The following CORIN variants were observed in gnomAD, a reference collection of about 807,000 sequenced individuals.
CORIN encodes atrial natriuretic peptide-converting enzyme.
In CORIN, 117 loss-of-function variants were observed where a neutral mutation model predicts 125.3. The ratio of observed to expected loss-of-function variants is 0.93; its 90% CI spans 0.80 to 1.09. The LOEUF (loss-of-function observed/expected upper bound fraction) is 1.09. Ranked by LOEUF, CORIN falls within the 50% of genes least tolerant of loss-of-function variation. CORIN has a pLI of 0.00. For missense variants in CORIN, 1,253 were observed against 1,306.7 expected (o/e 0.96, Z 0.63); for synonymous variants, 450 against 466.4 (o/e 0.96, Z 0.45).
Position 47,618,826 on chromosome 4 carries a change from AAAAAAGAAAG to A in CORIN, c.2540+4735_2540+4744del, listed in dbSNP as rs1407603942. 1.2e-3 allele frequency among the ~76,000 whole-genome samples: 181 copies of A among 152,124 alleles called. 1 individual carries two copies. Among genetic ancestry groups the A allele is most frequent in the African/African-American group, 4.1e-3 (172 of 41,496 alleles). On this transcript the variant is annotated intron_variant, in intron 19 of 21. Coordinates refer to ENST00000273857, the MANE Select transcript of CORIN (RefSeq NM_006587.4). ...GAGCGAGACTCTGTCTCACAAAAAAAAAAAAGAAAGAAAAAGAAAGGAGGCAAGAAGGAGA... is the reference window on the plus strand; with the variant it reads ...GAGCGAGACTCTGTCTCACAAAAAAAAAAAAGAAAGGAGGCAAGAAGGAGA...
chr4:47,786,611 A>G, intron 3 of CORIN, 114 bp downstream of exon 3: 2 of 751,626 alleles, frequency 2.7e-6, no homozygotes, highest in Non-Finnish European at 2.2e-6. Context: ...AACTGAGTGG[A>G]GATTTTCCTG....
chr4:47,605,593 G>A (rs567811678), intron 19 of CORIN, among the ~76,000 whole-genome samples: 7 of 152,266 alleles, frequency 4.6e-5, no homozygotes, highest in Non-Finnish European at 1.5e-5. Flanking sequence ...CACTACCACT[G>A]TTCCTGCTTG....
At chr4:47,674,218 T>C (rs1418450018) in intron 10 of CORIN, among the ~76,000 whole-genome samples, 175 bp downstream of exon 10, 1 of 152,204 alleles carries the variant, frequency 6.6e-6, no homozygotes, top group African/African-American at 2.4e-5. Flanking sequence ...TTGAAGTTAA[T>C]TAAGACCATT....
chr4:47,683,930 C>G, intron 6 of CORIN, 92 bp from the exon 7 acceptor site: 1 of 882,742 alleles, frequency 1.1e-6, no homozygotes. Flanking sequence ...ATGGAAGGGA[C>G]ACCCTAATGG....
intron 4 of CORIN, among the ~76,000 whole-genome samples, chr4:47,750,337 T>C (rs1397876948): frequency 6.6e-6 from 1 of 152,232 alleles, no homozygotes; most frequent in East Asian, 1.9e-4. Context: ...AATGGAAGCA[T>C]TTGTGGTATT....
intron 16 of CORIN, among the ~76,000 whole-genome samples, chr4:47,634,438 A>G (rs1722949419): frequency 6.6e-6 from 1 of 152,346 alleles, no homozygotes; most frequent in Admixed American, 6.5e-5. Context: ...GTTCAAGACC[A>G]GCCTGATCTA....
At chr4:47,708,754 C>G (rs1276383219) in intron 5 of CORIN, among the ~76,000 whole-genome samples, 1 of 152,142 alleles carries the variant, frequency 6.6e-6, no homozygotes, top group Non-Finnish European at 1.5e-5. Context: ...GAATCTTTCT[C>G]TAGTCGAAAT....
chr4:47,753,391 G>A (rs974941312), intron 4 of CORIN, among the ~76,000 whole-genome samples: 2 of 152,126 alleles, frequency 1.3e-5, no homozygotes, highest in East Asian at 1.9e-4. Flanking sequence ...AACAGGGTTC[G>A]AGAGCAGAGA....
rs1361341571 is a variant in CORIN at position 47,674,443 on chromosome 4, G to A, written c.1307C>T (p.Ser436Leu). Residue 436 changes from serine to leucine, a missense_variant, in exon 10 of 22, where the codon TCA becomes TTA. By Grantham distance (145) the Ser-to-Leu change is moderately radical. Coordinates refer to ENST00000273857, the MANE Select transcript of CORIN (RefSeq NM_006587.4). ...QRCLYNPCLD[S>L]CGGSSLCDPN... ...GTCACAGAGAGAGCTACCACCACATGAATCAAGGCAGGGATTGTAGAGGCA... is the reference window on the plus strand; with the variant it reads ...GTCACAGAGAGAGCTACCACCACATAAATCAAGGCAGGGATTGTAGAGGCA... 6.2e-7 allele frequency: 1 copy of A among 1,614,018 alleles called. No homozygotes were observed. The highest frequency in any genetic ancestry group is 1.1e-5 in the South Asian group (1 of 91,084).
At chr4:47,702,936 T>C (rs992624688) in intron 5 of CORIN, among the ~76,000 whole-genome samples, 1 of 152,196 alleles carries the variant, frequency 6.6e-6, no homozygotes, top group African/African-American at 2.4e-5. Context: ...TTTTTTATTA[T>C]ACTTTAAGTT....
At chr4:47,647,469 T>C (rs970468976) in intron 13 of CORIN, among the ~76,000 whole-genome samples, 1 of 151,992 alleles carries the variant, frequency 6.6e-6, no homozygotes, top group East Asian at 1.9e-4. Context: ...ACCACAGAAA[T>C]AGATCATCTG....
intron 13 of CORIN, among the ~76,000 whole-genome samples, chr4:47,646,043 C>CAAAAAA (rs1165408037): frequency 8.4e-4 from 83 of 98,432 alleles, no homozygotes; most frequent in East Asian, 3.2e-3. Context: ...CCACCTGTCT[C>CAAAAAA]AAAAAAAAAA....
At chr4:47,639,795 T>C (rs1412296090) in intron 16 of CORIN, among the ~76,000 whole-genome samples, 2 of 152,220 alleles carry the variant, frequency 1.3e-5, no homozygotes, top group African/African-American at 4.8e-5. Context: ...AGTGGTCACA[T>C]GGCAGCTGCC....
intron 5 of CORIN, among the ~76,000 whole-genome samples, chr4:47,740,342 T>C (rs1441551607): frequency 6.6e-6 from 1 of 151,938 alleles, no homozygotes; most frequent in Non-Finnish European, 1.5e-5. Context: ...TTTAATCTTC[T>C]ACCTAGTTCT....
chr4:47,609,706 G>A (rs1027984076), intron 19 of CORIN, among the ~76,000 whole-genome samples: 62 of 152,060 alleles, frequency 4.1e-4, no homozygotes, highest in Admixed American at 4.1e-3. Context: ...CCATCACCTA[G>A]GTATTAAGCC....
chr4:47,629,483 A>G (rs1560479832), intron 16 of CORIN, among the ~76,000 whole-genome samples: 1 of 152,196 alleles, frequency 6.6e-6, no homozygotes, highest in Non-Finnish European at 1.5e-5. Flanking sequence ...TTTGAAAATT[A>G]TAAAAGTAAT....
chr4:47,661,648 C>G, intron 12 of CORIN, 63 bp downstream of exon 12: 1 of 1,405,850 alleles, frequency 7.1e-7, no homozygotes, highest in Non-Finnish European at 9.6e-7. Flanking sequence ...AGAAGAAATT[C>G]AAAAGGTAGC....
At chr4:47,817,301 TATATATATA>T (rs1421621521) in intron 1 of CORIN, among the ~76,000 whole-genome samples, 6 of 149,808 alleles carry the variant, frequency 4.0e-5, no homozygotes, top group Non-Finnish European at 8.9e-5. Context: ...ACAAAATATA[TATATATATA>T]ATATATAACT....
Position 47,643,183 on chromosome 4 carries a change from T to C in CORIN, c.2031A>G (p.Glu677=), listed in dbSNP as rs1187472988. 16 of 1,613,972 alleles carry C rather than the reference T, an allele frequency of 9.9e-6. No individual in the cohort carries two copies. The highest frequency in any genetic ancestry group is 6.7e-5 in the East Asian group (3 of 44,872). ...CVSRDLWCDG[E]ADCSDSSDEW... ...CATCTGAACTGTCTGAGCAGTCGGCTTCACCATCACACCACAGGTCACGTG... is the reference window on the plus strand; with the variant it reads ...CATCTGAACTGTCTGAGCAGTCGGCCTCACCATCACACCACAGGTCACGTG... Residue 677 remains glutamate (E), a synonymous_variant, in exon 15 of 22, where the codon GAA becomes GAG. Coordinates refer to ENST00000273857, the MANE Select transcript of CORIN (RefSeq NM_006587.4).
Sources: gnomAD v4.1 joint callset for allele counts (sites outside exome capture counted in the v4.1 genomes callset) on GRCh38, gnomAD v4.1.1 for gene constraint, MANE v1.5 for transcripts, NCBI Gene and HGNC (gene_info 2026-07-23, HGNC 2026-07-21) for gene names.